CACNB2: variants seen among roughly 807,000 people sequenced by gnomAD.
The protein encoded by CACNB2 is voltage-dependent L-type calcium channel subunit beta-2.
Under a neutral mutation model 73.3 loss-of-function variants are expected in CACNB2, and 42 were observed. The observed-to-expected ratio is 0.57, with a 90% CI of 0.45 to 0.74. The LOEUF is 0.74. Among genes scored for constraint, CACNB2 ranks in the 30% least tolerant of loss-of-function variants. The pLI is 0.00. For missense variants in CACNB2, 940 were observed against 853.0 expected, an observed-to-expected ratio of 1.10 and a Z score of -1.27; for synonymous variants, 348 against 310.3, an observed-to-expected ratio of 1.12 and a Z score of -1.28.
chr10:18,434,654 G>A (rs1286680379), intron 3 of CACNB2, among the ~76,000 whole-genome samples: 1 of 152,076 alleles, frequency 6.6e-6, no homozygotes, highest in Non-Finnish European at 1.5e-5. Context: ...ACCCACCTTG[G>A]CCTCCCAAAG....
At chr10:18,453,886 G>A (rs1471475328) in intron 3 of CACNB2, among the ~76,000 whole-genome samples, 1 of 152,158 alleles carries the variant, frequency 6.6e-6, no homozygotes, top group African/African-American at 2.4e-5. Flanking sequence ...TTGCCTGCCT[G>A]AGCCTCACAA....
intron 2 of CACNB2, chr10:18,206,530 CCTT>C (rs1211277903): frequency 6.6e-6 from 1 of 152,366 alleles, no homozygotes; most frequent in Non-Finnish European, 1.5e-5. Flanking sequence ...TGTGCATGTT[CCTT>C]CTTTTCCCCG....
chr10:18,514,348 A>G lies in CACNB2; in HGVS notation c.783A>G (p.Lys261=). 1 of 1,614,138 alleles carries G rather than the reference A, an allele frequency of 6.2e-7. No individual in the cohort carries two copies. The highest frequency in any genetic ancestry group is 8.5e-7 in the Non-Finnish European group (1 of 1,180,016). The change falls in exon 7 of 14, where the codon AAA becomes AAG. Residue 261 remains lysine (K), a synonymous_variant. Transcript: ENST00000324631. Reference sequence around the variant, plus strand: ...TAACGTCACCCCACTCCAAAGAGAAAAGAATGCCCTTCTTTAAGAAGGTAA... The same window carrying G: ...TAACGTCACCCCACTCCAAAGAGAAGAGAATGCCCTTCTTTAAGAAGGTAA... ...NSVTSPHSKE[K]RMPFFKKTEH...
At position 18,426,955 on chromosome 10, in the gene CACNB2, A is replaced by ATTTTTTTTTTTTTTT. The variant is rs551543429; in HGVS notation, c.333+24915_333+24929dup. On this transcript the variant is annotated intron_variant, in intron 3 of 13. Coordinates refer to ENST00000324631, the MANE Select transcript of CACNB2 (RefSeq NM_201596.3). ...ATTTTATCAAATGTCCCTTTTCTAC[A>ATTTTTTTTTTTTTTT]TTTTTTTTTTTTTTTTTGAGACTGA... Among the ~76,000 whole-genome samples the ATTTTTTTTTTTTTTT allele has an allele frequency of 1.3e-3, 106 of 81,614 alleles. 1 individual carries two copies. The highest frequency in any genetic ancestry group is 2.1e-3 in the East Asian group (5 of 2,424). 53.5% of individuals were successfully genotyped at this position (81,614 alleles called of 152,430 possible).
chr10:18,531,786 TAA>T (rs1226773995), intron 10 of CACNB2: 2 of 152,210 alleles, frequency 1.3e-5, no homozygotes, highest in Non-Finnish European at 2.9e-5. Context: ...CTTCTTTATC[TAA>T]GAGGAAACAT....
intron 2 of CACNB2, among the ~76,000 whole-genome samples, chr10:18,191,432 T>C (rs777125751): frequency 6.6e-6 from 1 of 151,732 alleles, no homozygotes; most frequent in African/African-American, 2.4e-5. Context: ...GTACATCTAG[T>C]TTTTTTTTCT....
At chr10:18,230,988 G>A (rs1230700065) in intron 2 of CACNB2, among the ~76,000 whole-genome samples, 1 of 152,114 alleles carries the variant, frequency 6.6e-6, no homozygotes, top group Non-Finnish European at 1.5e-5. Context: ...AGTTAGGGGA[G>A]GAGAGAAGGA....
At chr10:18,259,823 A>G (rs909634637) in intron 2 of CACNB2, among the ~76,000 whole-genome samples, 9 of 151,930 alleles carry the variant, frequency 5.9e-5, no homozygotes, top group Non-Finnish European at 1.0e-4. Context: ...GGACTGCCTG[A>G]GCAAGGCAAT....
At chr10:18,406,571 C>T (rs543518995) in intron 3 of CACNB2, among the ~76,000 whole-genome samples, 33 of 152,218 alleles carry the variant, frequency 2.2e-4, no homozygotes, top group Admixed American at 1.0e-3. Context: ...TAATGCCTGA[C>T]GATCTGTCAC....
At chr10:18,458,826 C>T (rs78462934) in intron 3 of CACNB2, among the ~76,000 whole-genome samples, 86,374 of 146,868 alleles carry the variant, frequency 0.59, 26,582 homozygotes, top group Non-Finnish European at 0.69. Flanking sequence ...AGGGCAATGG[C>T]GTGATCTTGG....
chr10:18,494,009 T>C (rs1347731750), intron 3 of CACNB2, among the ~76,000 whole-genome samples: 1 of 152,144 alleles, frequency 6.6e-6, no homozygotes, highest in Non-Finnish European at 1.5e-5. Flanking sequence ...CTAATTCCCA[T>C]ATAAACCACA....
intron 1 of CACNB2, among the ~76,000 whole-genome samples, chr10:18,147,004 G>A (rs2031057104): frequency 6.6e-6 from 1 of 152,184 alleles, no homozygotes; most frequent in South Asian, 2.1e-4. Context: ...AAGCACAGAA[G>A]CCACATCATT....
chr10:18,484,725 C>T (rs2048970854), intron 3 of CACNB2, among the ~76,000 whole-genome samples: 1 of 152,194 alleles, frequency 6.6e-6, no homozygotes, highest in Non-Finnish European at 1.5e-5. Context: ...TCCTTTCAAC[C>T]ACGCAGTGCT....
chr10:18,477,183 T>C (rs1459804315), intron 3 of CACNB2, among the ~76,000 whole-genome samples: 1 of 152,162 alleles, frequency 6.6e-6, no homozygotes, highest in African/African-American at 2.4e-5. Flanking sequence ...TTAGGTTCCC[T>C]GTCTCCAGGC....
At chr10:18,462,207 A>G (rs1339765448) in intron 3 of CACNB2, among the ~76,000 whole-genome samples, 2 of 152,240 alleles carry the variant, frequency 1.3e-5, no homozygotes, top group African/African-American at 4.8e-5. Flanking sequence ...GTCTAAAAAC[A>G]GAAATAGCTT....
intron 12 of CACNB2, among the ~76,000 whole-genome samples, chr10:18,536,420 G>T (rs377217092): frequency 6.6e-6 from 1 of 151,188 alleles, no homozygotes; most frequent in Non-Finnish European, 1.5e-5. Context: ...CACCATGATC[G>T]GCTAACTTTT....
At chr10:18,341,543 A>G (rs1170105855) in intron 2 of CACNB2, among the ~76,000 whole-genome samples, 2 of 152,230 alleles carry the variant, frequency 1.3e-5, no homozygotes, top group African/African-American at 2.4e-5. Context: ...CTTTTAAAGA[A>G]AAGACTTTAT....
chr10:18,261,313 C>A, intron 2 of CACNB2: 1 of 1,551,516 alleles, frequency 6.4e-7, no homozygotes, highest in South Asian at 1.2e-5. Flanking sequence ...GTACGGGTGT[C>A]CTATGTAAGT....
chr10:18,470,192 G>T (rs941196705), intron 3 of CACNB2, among the ~76,000 whole-genome samples: 35 of 151,376 alleles, frequency 2.3e-4, no homozygotes, highest in Non-Finnish European at 1.3e-4. Flanking sequence ...ACATTAAAAA[G>T]AAATGTATTC....
Sources: allele counts gnomAD v4.1 joint callset (sites outside exome capture counted in the v4.1 genomes callset), GRCh38; gene constraint gnomAD v4.1.1; transcripts MANE v1.5; gene names NCBI Gene and HGNC (gene_info 2026-07-23, HGNC 2026-07-21).